FRS2: variants seen among roughly 807,000 people sequenced by gnomAD.
The protein encoded by FRS2 is FGFR signalling adaptor.
In FRS2, 8 loss-of-function variants were observed where a neutral mutation model predicts 43.9. The observed-to-expected ratio is 0.18, with a 90% CI of 0.11 to 0.33. The LOEUF (loss-of-function observed/expected upper bound fraction) is 0.33, where lower values mean the gene tolerates loss of function less well. FRS2 is among the 10% of genes least tolerant of loss of function. The pLI is 1.00. For missense variants in FRS2, 534 were observed against 627.6 expected, an observed-to-expected ratio of 0.85 and a Z score of 1.59; for synonymous variants, 219 against 220.3, an observed-to-expected ratio of 0.99 and a Z score of 0.05.
At chr12:69,483,554 C>T (rs937744712) in intron 1 of FRS2, among the ~76,000 whole-genome samples, 1 of 151,860 alleles carries the variant, frequency 6.6e-6, no homozygotes, top group African/African-American at 2.4e-5. Flanking sequence ...TTTTTATAGC[C>T]TTTTTCATAT....
intron 1 of FRS2, among the ~76,000 whole-genome samples, chr12:69,511,669 T>C (rs1485080906): frequency 6.6e-6 from 1 of 152,162 alleles, no homozygotes; most frequent in African/African-American, 2.4e-5. Context: ...TACAAAGGAA[T>C]GGTAAACTGC....
At chr12:69,493,028 A>C (rs1872601369) in intron 1 of FRS2, among the ~76,000 whole-genome samples, 1 of 152,208 alleles carries the variant, frequency 6.6e-6, no homozygotes, top group African/African-American at 2.4e-5. Flanking sequence ...TAAGTTTTGA[A>C]ACTAAAGACA....
At chr12:69,520,676 CT>C (rs1832766558) in intron 1 of FRS2, among the ~76,000 whole-genome samples, 1 of 151,958 alleles carries the variant, frequency 6.6e-6, no homozygotes, top group Non-Finnish European at 1.5e-5. Context: ...TTAGGGAGTC[CT>C]TTTCCCATTG....
intron 1 of FRS2, among the ~76,000 whole-genome samples, chr12:69,489,635 A>G (rs920957072): frequency 2.9e-4 from 43 of 149,792 alleles, no homozygotes; most frequent in Non-Finnish European, 5.6e-4. Context: ...ATGCCACTGC[A>G]CTCCAGCCTG....
chr12:69,485,135 A>ACACACACACT (rs1299663612), intron 1 of FRS2, among the ~76,000 whole-genome samples: 1 of 80,818 alleles, frequency 1.2e-5, no homozygotes. Flanking sequence ...ACACACACAC[A>ACACACACACT]CTCTCACCCC....
rs61759374 is a variant in FRS2, at chr12:69,578,272, G to A, written c.*3317G>A. The A allele has an allele frequency of 1.3e-5, 2 of 152,664 alleles. No individual in the cohort carries two copies. The highest frequency in any genetic ancestry group is 2.4e-5 in the African/African-American group (1 of 41,554). 9.5% of individuals were successfully genotyped at this position (152,664 alleles called of 1,614,324 possible). ...GAGACATCATTCACAAGTAACTGAT[G>A]TATTGGCATCTCATTCATATTTCTG... On this transcript the variant is annotated 3_prime_UTR_variant, in exon 9 of 9. Coordinates refer to ENST00000549921, the MANE Select transcript of FRS2 (RefSeq NM_001278356.2).
intron 3 of FRS2, among the ~76,000 whole-genome samples, chr12:69,543,445 A>G (rs1441053455): frequency 1.3e-5 from 2 of 152,202 alleles, no homozygotes; most frequent in Non-Finnish European, 2.9e-5. Flanking sequence ...CGTTGAACAA[A>G]ACAAAATCTT....
Position 69,564,243 on chromosome 12 carries a change from C to CT in FRS2, c.-27+1982dup, listed in dbSNP as rs1235568923. ...TTTTCTTAGTTTGTACTATTCTGAT[C>CT]TTTTTTTTTTTTTAATTCCTTCACT... On this transcript the variant is annotated intron_variant, in intron 4 of 8. Coordinates refer to ENST00000549921, the MANE Select transcript of FRS2 (RefSeq NM_001278356.2). 9.7e-3 allele frequency among the ~76,000 whole-genome samples: 1,382 copies of CT among 142,808 alleles called. 16 individuals carry two copies. The highest frequency in any genetic ancestry group is 0.028 in the African/African-American group (1,103 of 39,082). The allele number at this position is 142,808 out of a possible 152,430, so 93.7% of individuals were successfully genotyped here.
At chr12:69,556,223 G>A (rs1462665336) in intron 3 of FRS2, among the ~76,000 whole-genome samples, 3 of 152,032 alleles carry the variant, frequency 2.0e-5, no homozygotes, top group African/African-American at 7.2e-5. Context: ...TTTAATATTA[G>A]TCTAGTAACA....
chr12:69,529,774 C>T (rs982150026), intron 1 of FRS2, among the ~76,000 whole-genome samples: 6 of 151,956 alleles, frequency 3.9e-5, no homozygotes, highest in East Asian at 1.9e-4. Context: ...GAAAAATACC[C>T]GTAGGCTGGA....
chr12:69,572,022 G>T (rs575180636), intron 7 of FRS2, 96 bp from the exon 8 acceptor site: 2 of 809,656 alleles, frequency 2.5e-6, no homozygotes, highest in Non-Finnish European at 3.9e-6. Flanking sequence ...TTGGCAGAAA[G>T]ACCTCCTATA....
intron 1 of FRS2, among the ~76,000 whole-genome samples, chr12:69,510,182 T>C (rs1445599641): frequency 6.6e-6 from 1 of 152,144 alleles, no homozygotes; most frequent in Non-Finnish European, 1.5e-5. Context: ...ACCTGACCCA[T>C]CTGTGGAGAA....
Position 69,574,969 on chromosome 12 carries a change from T to C in FRS2, c.*14T>C. The C allele has an allele frequency of 6.6e-7, 1 of 1,520,992 alleles. No homozygotes were observed. 94.2% of individuals were successfully genotyped at this position (1,520,992 alleles called of 1,614,324 possible). Reference sequence around the variant, plus strand: ...CTGCCCATGTGAGCCTGGAAAGCATTGTGTTGTTTGCACCTTTGTGAAGTT... The same window carrying C: ...CTGCCCATGTGAGCCTGGAAAGCATCGTGTTGTTTGCACCTTTGTGAAGTT... On this transcript the variant is annotated 3_prime_UTR_variant, in exon 9 of 9. Transcript: ENST00000549921.
At chr12:69,536,101 C>CCTTTTTTTTTTTTTTTTTTTTTTTTTT (rs1877251782) in intron 3 of FRS2, among the ~76,000 whole-genome samples, 3 of 37,176 alleles carry the variant, frequency 8.1e-5, no homozygotes, top group African/African-American at 2.7e-4. Flanking sequence ...TATTTTCATT[C>CCTTTTTTTTTTTTTTTTTTTTTTTTTT]TTTTTTTTTT....
chr12:69,516,251 T>C lies in FRS2; in HGVS notation c.-260-14614T>C, dbSNP rs142017310. On this transcript the variant is annotated intron_variant, in intron 1 of 8. Coordinates refer to ENST00000549921, the MANE Select transcript of FRS2 (RefSeq NM_001278356.2). Reference sequence around the variant, plus strand: ...TTTTTTTTTTGAGACGGAGTTTCGCTCTTGTTGCCCAGGCTGGCGTGCAAT... The same window carrying C: ...TTTTTTTTTTGAGACGGAGTTTCGCCCTTGTTGCCCAGGCTGGCGTGCAAT... 2.1e-3 allele frequency among the ~76,000 whole-genome samples: 320 copies of C among 151,174 alleles called. 1 individual carries two copies. Among genetic ancestry groups the C allele is most frequent in the African/African-American group, 7.5e-3 (311 of 41,300 alleles).
chr12:69,475,394 T>G (rs1725830148), intron 1 of FRS2, among the ~76,000 whole-genome samples: 1 of 152,218 alleles, frequency 6.6e-6, no homozygotes, highest in South Asian at 2.1e-4. Flanking sequence ...CTGGGCTGTT[T>G]GGCTTAGTTT....
At chr12:69,542,534 T>C (rs1018500335) in intron 3 of FRS2, among the ~76,000 whole-genome samples, 12 of 152,244 alleles carry the variant, frequency 7.9e-5, no homozygotes, top group Admixed American at 1.3e-4. Flanking sequence ...AACAGATTTT[T>C]AATGAATCAG....
intron 3 of FRS2, 141 bp downstream of exon 3, chr12:69,532,197 T>A (rs1876868070): frequency 6.6e-6 from 1 of 152,226 alleles, no homozygotes; most frequent in Admixed American, 6.5e-5. Context: ...TTAGCCACTG[T>A]TTTACTATGT....
intron 2 of FRS2, among the ~76,000 whole-genome samples, chr12:69,531,298 C>A (rs1009427084): frequency 3.3e-5 from 5 of 151,218 alleles, no homozygotes; most frequent in Non-Finnish European, 7.4e-5. Context: ...CCACTGCACT[C>A]CAGCCTGGGC....
Sources: gnomAD v4.1 joint callset for allele counts (sites outside exome capture counted in the v4.1 genomes callset) on GRCh38, gnomAD v4.1.1 for gene constraint, MANE v1.5 for transcripts, NCBI Gene and HGNC (gene_info 2026-07-23, HGNC 2026-07-21) for gene names.